TNKS2: variants seen among roughly 807,000 people sequenced by gnomAD.
TNKS2 encodes the protein poly [ADP-ribose] polymerase tankyrase-2.
Under a neutral mutation model 137.6 loss-of-function variants are expected in TNKS2, and 72 were observed. The ratio of observed to expected loss-of-function variants is 0.52; its 90% CI spans 0.43 to 0.64. The LOEUF (loss-of-function observed/expected upper bound fraction) is 0.64, where lower values mean the gene tolerates loss of function less well. Ranked by LOEUF, TNKS2 falls within the 30% of genes least tolerant of loss-of-function variation. The probability of loss-of-function intolerance (pLI) is 0.00; values close to 1 mark genes in which losing one functional copy is unlikely to be tolerated. For synonymous variants in TNKS2, 516 were observed against 512.1 expected (o/e 1.01, Z -0.10); for missense variants, 1,049 against 1,410.2 (o/e 0.74, Z 4.10).
At chr10:91,828,913 T>C (rs1845149835) in intron 9 of TNKS2, among the ~76,000 whole-genome samples, 1 of 151,936 alleles carries the variant, frequency 6.6e-6, no homozygotes, top group South Asian at 2.1e-4. Flanking sequence ...TAGATGTGAG[T>C]AGAGAAGTCT....
At chr10:91,807,155 G>A (rs953099575) in intron 1 of TNKS2, 114 of 1,573,974 alleles carry the variant, frequency 7.2e-5, no homozygotes, top group Non-Finnish European at 8.5e-5. Context: ...CTAAGTACAC[G>A]ACAAAGTCTT....
chr10:91,834,091 A>G (rs2133640012), intron 12 of TNKS2, 67 bp downstream of exon 12: 1 of 1,335,894 alleles, frequency 7.5e-7, no homozygotes, highest in Non-Finnish European at 1.0e-6. Context: ...CATATCAGGT[A>G]TTATAGGTAG....
chr10:91,800,682 G>A (rs1233538907), intron 1 of TNKS2, among the ~76,000 whole-genome samples: 1 of 151,916 alleles, frequency 6.6e-6, no homozygotes, highest in Non-Finnish European at 1.5e-5. Context: ...AAGAGTTAAA[G>A]GTATAAAAAG....
intron 1 of TNKS2, among the ~76,000 whole-genome samples, chr10:91,810,920 CTTTTTT>C (rs35240102): frequency 8.0e-5 from 4 of 50,124 alleles, no homozygotes; most frequent in Non-Finnish European, 1.3e-4. Flanking sequence ...CTTTTCTTTT[CTTTTTT>C]TTTTTTTTTT....
intron 23 of TNKS2, among the ~76,000 whole-genome samples, chr10:91,857,177 T>G (rs1413436624): frequency 6.6e-6 from 1 of 152,196 alleles, no homozygotes; most frequent in Non-Finnish European, 1.5e-5. Context: ...TTTTAATAAA[T>G]TAACAGTATT....
chr10:91,845,497 G>A (rs913649031), intron 17 of TNKS2, among the ~76,000 whole-genome samples: 1 of 152,166 alleles, frequency 6.6e-6, no homozygotes, highest in African/African-American at 2.4e-5. Flanking sequence ...AGAAATTATT[G>A]AAGTCATATT....
At chr10:91,845,197 T>C (rs1842333955) in intron 17 of TNKS2, among the ~76,000 whole-genome samples, 169 bp downstream of exon 17, 1 of 152,220 alleles carries the variant, frequency 6.6e-6, no homozygotes, top group African/African-American at 2.4e-5. Context: ...GTTCTAAGCT[T>C]GCTGTGTGAT....
At chr10:91,807,853 A>G (rs1312017531) in intron 1 of TNKS2, among the ~76,000 whole-genome samples, 2 of 152,068 alleles carry the variant, frequency 1.3e-5, no homozygotes, top group Non-Finnish European at 2.9e-5. Context: ...AAAATTAGCC[A>G]GGCGTGGTGG....
chr10:91,825,848 A>G lies in TNKS2; in HGVS notation c.796-1169A>G, dbSNP rs181154012. ...AACTGGAACTCAAACGTTGCCACGTAGCAGTGGAACTCAAATGTTGCTGGT... is the reference window on the plus strand; with the variant it reads ...AACTGGAACTCAAACGTTGCCACGTGGCAGTGGAACTCAAATGTTGCTGGT... On this transcript the variant is annotated intron_variant, in intron 7 of 26. Coordinates refer to ENST00000371627, the MANE Select transcript of TNKS2 (RefSeq NM_025235.4). 5.2e-5 allele frequency among the ~76,000 whole-genome samples: 8 copies of G among 152,398 alleles called. No individual in the cohort carries two copies. The East Asian group carries it at 1.2e-3, about 22-fold the overall frequency.
intron 13 of TNKS2, among the ~76,000 whole-genome samples, chr10:91,838,886 A>G (rs1162332393): frequency 2.0e-5 from 3 of 152,104 alleles, no homozygotes; most frequent in African/African-American, 7.2e-5. Flanking sequence ...TGTTTGTTTG[A>G]GATGGAGTTT....
In TNKS2 at chr10:91,832,511, G is replaced by A. The variant is rs532530356; in HGVS notation, c.1275+1330G>A. Reference sequence around the variant, plus strand: ...AAGTGGGTATTTTTCACATTTCAGCGAGTTAGGGTATGTGAATAAATAGTT... The same window carrying A: ...AAGTGGGTATTTTTCACATTTCAGCAAGTTAGGGTATGTGAATAAATAGTT... On this transcript the variant is annotated intron_variant, in intron 11 of 26. Transcript: ENST00000371627. Among the ~76,000 whole-genome samples, 8 of 151,496 alleles carry A rather than the reference G, an allele frequency of 5.3e-5. No homozygotes were observed. The South Asian group carries it at 6.3e-4, about 12-fold the overall frequency.
intron 6 of TNKS2, among the ~76,000 whole-genome samples, chr10:91,820,819 T>C (rs1422355088): frequency 6.6e-6 from 1 of 152,100 alleles, no homozygotes; most frequent in Non-Finnish European, 1.5e-5. Flanking sequence ...GAAATGAAAA[T>C]GAAGGCATAG....
Position 91,851,228 on chromosome 10 carries a change from G to A in TNKS2, c.2707G>A (p.Val903Ile), listed in dbSNP as rs1324972377. Reference protein sequence around the residue: ...IFEREQITLDVLVEMGHKELK... With the variant: ...IFEREQITLDILVEMGHKELK... ...CCTCTTTTGTAAGATCACTTTGGATGTATTAGTTGAGATGGGGCACAAGGA... is the reference window on the plus strand; with the variant it reads ...CCTCTTTTGTAAGATCACTTTGGATATATTAGTTGAGATGGGGCACAAGGA... Residue 903 changes from valine (V) to isoleucine (I), a missense_variant, in exon 21 of 27, where the codon GTA becomes ATA. By Grantham distance (29) the Val-to-Ile change is conservative. Coordinates refer to ENST00000371627, the MANE Select transcript of TNKS2 (RefSeq NM_025235.4). The A allele has an allele frequency of 3.7e-6, 6 of 1,613,646 alleles. No individual in the cohort carries two copies. The highest frequency in any genetic ancestry group is 1.3e-5 in the African/African-American group (1 of 75,016).
chr10:91,826,514 T>C (rs185730308), intron 7 of TNKS2, among the ~76,000 whole-genome samples: 2 of 152,360 alleles, frequency 1.3e-5, no homozygotes, highest in Non-Finnish European at 2.9e-5. Context: ...GTACATACGT[T>C]AGAAATTTAT....
Position 91,798,906 on chromosome 10 carries a change from T to C in TNKS2, c.199+17T>C. On this transcript the variant is annotated intron_variant, in intron 1 of 26. Coordinates refer to ENST00000371627, the MANE Select transcript of TNKS2 (RefSeq NM_025235.4). ...TCGCCGCAGGTAACCGGGGCCAGCGTCCCCTCGCCTCGCTCCAGACCCCAC... is the reference window on the plus strand; with the variant it reads ...TCGCCGCAGGTAACCGGGGCCAGCGCCCCCTCGCCTCGCTCCAGACCCCAC... 1.5e-6 allele frequency: 2 copies of C among 1,374,766 alleles called. No homozygotes were observed. The highest frequency in any genetic ancestry group is 3.4e-5 in the South Asian group (2 of 58,996). The allele number at this position is 1,374,766 out of a possible 1,614,324, so 85.2% of individuals were successfully genotyped here. A position where few individuals can be genotyped will look rare whatever the true frequency, so the allele number is the denominator to read the frequency against.
At chr10:91,842,856 T>A (rs914188020) in intron 16 of TNKS2, among the ~76,000 whole-genome samples, 1 of 152,228 alleles carries the variant, frequency 6.6e-6, no homozygotes, top group African/African-American at 2.4e-5. Flanking sequence ...ACGACCGTAC[T>A]TGAAGCTATT....
chr10:91,825,093 TTTTTG>T (rs1335765683), intron 7 of TNKS2, among the ~76,000 whole-genome samples: 1 of 151,456 alleles, frequency 6.6e-6, no homozygotes, highest in African/African-American at 2.4e-5. Context: ...GGTTTGGTTT[TTTTTG>T]TTTTGTTTTG....
intron 6 of TNKS2, among the ~76,000 whole-genome samples, chr10:91,821,725 A>G (rs1279696098): frequency 6.6e-6 from 1 of 152,214 alleles, no homozygotes; most frequent in African/African-American, 2.4e-5. Flanking sequence ...ATTTGAGCTA[A>G]GTCTGGAAAA....
In TNKS2 at chr10:91,864,437, G is replaced by A. The variant is rs1344923542; in HGVS notation, c.*1438G>A. On this transcript the variant is annotated 3_prime_UTR_variant, in exon 27 of 27. Coordinates refer to ENST00000371627, the MANE Select transcript of TNKS2 (RefSeq NM_025235.4). ...GTTGACTCTAGCTCCCTTCAAAGTC[G>A]AGGAAAGATCTTTACTCACTTAATG... 2 of 152,432 alleles carry A rather than the reference G, an allele frequency of 1.3e-5. No homozygotes were observed. The highest frequency in any genetic ancestry group is 2.9e-5 in the Non-Finnish European group (2 of 68,016). The allele number at this position is 152,432 out of a possible 1,614,324, so 9.4% of individuals were successfully genotyped here. A position where few individuals can be genotyped will look rare whatever the true frequency, so the allele number is the denominator to read the frequency against.
Sources: allele counts gnomAD v4.1 joint callset (sites outside exome capture counted in the v4.1 genomes callset), GRCh38; gene constraint gnomAD v4.1.1; transcripts MANE v1.5; gene names NCBI Gene and HGNC (gene_info 2026-07-23, HGNC 2026-07-21).